Variants in C12orf42 observed in about 807,000 individuals in gnomAD.
C12orf42 encodes the protein chromosome 12 open reading frame 42.
C12orf42 carries 25 observed loss-of-function variants against 21.6 expected under a neutral mutation model. The observed-to-expected ratio is 1.16, with a 90% CI of 0.84 to 1.62. The LOEUF is 1.62. Ranked by LOEUF, C12orf42 falls within the 40% of genes most tolerant of loss-of-function variation. C12orf42 has a pLI of 0.00. For missense variants in C12orf42, 483 were observed against 459.3 expected (o/e 1.05, Z -0.47); for synonymous variants, 174 against 175.0 (o/e 0.99, Z 0.05).
chr12:103,484,655 TA>T (rs1162863670), intron 1 of C12orf42, among the ~76,000 whole-genome samples: 1 of 152,142 alleles, frequency 6.6e-6, no homozygotes, highest in Non-Finnish European at 1.5e-5. Flanking sequence ...AGAAGCTCTT[TA>T]GTTTAATTAG....
intron 4 of C12orf42, among the ~76,000 whole-genome samples, chr12:103,313,423 C>T (rs2039155276): frequency 6.6e-6 from 1 of 152,142 alleles, no homozygotes; most frequent in South Asian, 2.1e-4. Flanking sequence ...GCACCACACC[C>T]AAGAGGTGGC....
intron 10 of C12orf42, among the ~76,000 whole-genome samples, chr12:103,250,547 A>T (rs936018956): frequency 9.2e-5 from 14 of 152,118 alleles, no homozygotes; most frequent in African/African-American, 3.1e-4. Context: ...GGAAACAATG[A>T]ATGTCCAGTG....
chr12:103,147,345 G>A, the C12orf42 span, among the ~76,000 whole-genome samples: 3 of 151,966 alleles, frequency 2.0e-5, no homozygotes, highest in South Asian at 2.1e-4. Flanking sequence ...GAATTTTCAG[G>A]TCAAAAATGA....
At chr12:103,135,161 A>G in the C12orf42 span, among the ~76,000 whole-genome samples, 1 of 152,192 alleles carries the variant, frequency 6.6e-6, no homozygotes, top group Non-Finnish European at 1.5e-5. Flanking sequence ...ACACACAATT[A>G]AGAAAGAGAA....
chr12:103,426,863 T>A (rs1362832944), intron 2 of C12orf42, among the ~76,000 whole-genome samples: 2 of 152,156 alleles, frequency 1.3e-5, no homozygotes, highest in Non-Finnish European at 2.9e-5. Context: ...AAACTAAGCT[T>A]CATAAGTGAA....
At chr12:103,450,358 C>T (rs1951860988) in intron 2 of C12orf42, among the ~76,000 whole-genome samples, 1 of 152,058 alleles carries the variant, frequency 6.6e-6, no homozygotes, top group East Asian at 1.9e-4. Flanking sequence ...TAATGTTAAT[C>T]TCCTCTTGCT....
At chr12:103,244,935 A>G (rs1447691267) in intron 10 of C12orf42, among the ~76,000 whole-genome samples, 3 of 152,118 alleles carry the variant, frequency 2.0e-5, no homozygotes, top group South Asian at 4.1e-4. Context: ...TCAGAAGCAC[A>G]TATCTTAATT....
chr12:103,137,532 AG>A, the C12orf42 span, among the ~76,000 whole-genome samples: 2 of 152,220 alleles, frequency 1.3e-5, no homozygotes, highest in Non-Finnish European at 2.9e-5. Flanking sequence ...CCAAAGGAAA[AG>A]AAATTCACAT....
the C12orf42 span, among the ~76,000 whole-genome samples, chr12:103,169,159 T>TATAAATAAATAAATAA: frequency 2.7e-5 from 4 of 145,490 alleles, no homozygotes; most frequent in South Asian, 6.6e-4. Flanking sequence ...TAAAGTATAA[T>TATAAATAAATAAATAA]ATAAATAAAT....
chr12:103,427,235 T>C (rs1424293561), intron 2 of C12orf42, among the ~76,000 whole-genome samples: 4 of 135,366 alleles, frequency 3.0e-5, no homozygotes, highest in Non-Finnish European at 4.6e-5. Context: ...AAGACACACA[T>C]AGGCTCAAAA....
At chr12:103,534,490 C>T in the C12orf42 span, among the ~76,000 whole-genome samples, 2 of 152,050 alleles carry the variant, frequency 1.3e-5, no homozygotes, top group African/African-American at 4.8e-5. Flanking sequence ...ATCTTCACTC[C>T]CAACCTTGTG....
chr12:103,372,441 G>A (rs562573256), intron 3 of C12orf42, among the ~76,000 whole-genome samples: 6 of 152,120 alleles, frequency 3.9e-5, no homozygotes, highest in East Asian at 1.9e-4. Context: ...CAGTCATCCC[G>A]GGTGACTGAT....
At chr12:103,416,250 C>T (rs1007734060) in intron 2 of C12orf42, among the ~76,000 whole-genome samples, 2 of 151,242 alleles carry the variant, frequency 1.3e-5, no homozygotes. Flanking sequence ...AGGGTTGTGA[C>T]TCCCAGTTTT....
chr12:103,288,876 T>A (rs998939498), intron 4 of C12orf42, among the ~76,000 whole-genome samples: 5 of 152,174 alleles, frequency 3.3e-5, no homozygotes, highest in African/African-American at 1.2e-4. Context: ...TTTTTAGTAC[T>A]AAAGAATAAT....
At chr12:103,154,453 T>G in the C12orf42 span, among the ~76,000 whole-genome samples, 1 of 152,170 alleles carries the variant, frequency 6.6e-6, no homozygotes, top group Non-Finnish European at 1.5e-5. Context: ...TCATCCACAC[T>G]GGATAAGAGG....
chr12:103,390,624 G>A (rs1311129941), intron 3 of C12orf42, among the ~76,000 whole-genome samples: 1 of 152,250 alleles, frequency 6.6e-6, no homozygotes, highest in Non-Finnish European at 1.5e-5. Flanking sequence ...CCCTTGATCT[G>A]CTGTCTACAA....
chr12:103,563,008 A>G, the C12orf42 span, among the ~76,000 whole-genome samples: 4 of 152,212 alleles, frequency 2.6e-5, no homozygotes, highest in East Asian at 1.9e-4. Context: ...CCTTACTTCA[A>G]TGAACAAATA....
chr12:103,302,805 A>G (rs1331649297), intron 5 of C12orf42, among the ~76,000 whole-genome samples: 2 of 152,100 alleles, frequency 1.3e-5, no homozygotes, highest in African/African-American at 2.4e-5. Context: ...AAAAAAAAAA[A>G]TAGCTTTTGC....
the C12orf42 span, among the ~76,000 whole-genome samples, chr12:103,215,193 TTTTATTATATTAATACTAACAC>T: frequency 7.2e-5 from 11 of 152,250 alleles, no homozygotes; most frequent in Non-Finnish European, 1.3e-4. Flanking sequence ...GTTCTGGATG[TTTTATTATATTAATACTAACAC>T]TTTATTATAT....
Sources: gnomAD v4.1 joint callset for allele counts (sites outside exome capture counted in the v4.1 genomes callset) on GRCh38, gnomAD v4.1.1 for gene constraint, MANE v1.5 for transcripts, NCBI Gene and HGNC (gene_info 2026-07-23, HGNC 2026-07-21) for gene names.